Variants in CHFR observed in about 807,000 individuals in gnomAD.
The protein encoded by CHFR is checkpoint with forkhead and ring finger domains.
CHFR carries 57 observed loss-of-function variants against 87.6 expected under a neutral mutation model. The ratio of observed to expected loss-of-function variants is 0.65; its 90% CI spans 0.53 to 0.81. The LOEUF (loss-of-function observed/expected upper bound fraction) is 0.81. Among genes scored for constraint, CHFR ranks in the 30% least tolerant of loss-of-function variants. The pLI is 0.00. For synonymous variants in CHFR, 381 were observed against 359.2 expected (o/e 1.06, Z -0.69); for missense variants, 797 against 865.8 (o/e 0.92, Z 1.00).
chr12:132,866,864 C>G (rs1951357175), intron 6 of CHFR: 1 of 152,196 alleles, frequency 6.6e-6, no homozygotes, highest in East Asian at 1.9e-4. Context: ...AACAACGTCT[C>G]TACTAAAAAT....
intron 2 of CHFR, among the ~76,000 whole-genome samples, chr12:132,884,319 T>C (rs1314872200): frequency 6.7e-6 from 1 of 150,090 alleles, no homozygotes; most frequent in African/African-American, 2.5e-5. Flanking sequence ...CTCGGGAGGC[T>C]GAGGCAGGAG....
At chr12:132,874,550 A>G (rs1156534045) in intron 3 of CHFR, among the ~76,000 whole-genome samples, 1 of 146,848 alleles carries the variant, frequency 6.8e-6, no homozygotes, top group Non-Finnish European at 1.5e-5. Context: ...CAGGCCCCGG[A>G]ACAGGCGGGA....
intron 2 of CHFR, among the ~76,000 whole-genome samples, chr12:132,884,425 A>AT (rs1165033459): frequency 6.6e-6 from 1 of 150,908 alleles, no homozygotes. Flanking sequence ...CAAAAAAAAA[A>AT]ATACATATAT....
At position 132,857,499 on chromosome 12, in the gene CHFR, C is replaced by A. The variant is rs769371058; in HGVS notation, c.972G>T (p.Ser324=). 1 of 1,614,022 alleles carries A rather than the reference C, an allele frequency of 6.2e-7. No individual in the cohort carries two copies. The highest frequency in any genetic ancestry group is 8.5e-7 in the Non-Finnish European group (1 of 1,180,022). ...AACYSGWMER[S]SLCPTCRCPV... is the part of the protein sequence containing the mutation. ...GACAGCGGCAGGTAGGACACAGGGACGAGCGCTCCATCCAGCCCGAGTAGC... is the reference window on the plus strand; with the variant it reads ...GACAGCGGCAGGTAGGACACAGGGAAGAGCGCTCCATCCAGCCCGAGTAGC... The change falls in exon 9 of 18, where the codon TCG becomes TCT. Residue 324 remains serine (S), a synonymous_variant. Transcript: ENST00000450056.
rs1202757955 is a variant in CHFR at position 132,887,267 on chromosome 12, C to G, written c.62G>C (p.Arg21Pro). 2.0e-6 allele frequency: 3 copies of G among 1,499,406 alleles called. No homozygotes were observed. In the South Asian group the frequency reaches 3.7e-5, roughly 19 times the overall value. 92.9% of individuals were successfully genotyped at this position (1,499,406 alleles called of 1,614,324 possible). A position where few individuals can be genotyped will look rare whatever the true frequency, so the allele number is the denominator to read the frequency against. Residue 21 changes from arginine to proline, a missense_variant, in exon 2 of 18, where the codon CGT becomes CCT. Physicochemically the swap from Arg to Pro is moderately radical, Grantham distance 103. This residue lies in a region of CHFR where 597 missense variants were observed against 601.2 expected (regional missense o/e 0.99). Coordinates refer to ENST00000450056, the MANE Select transcript of CHFR (RefSeq NM_001161346.2). ...PPPQPWGRLL[R>P]LGAEEGEPHV... is the part of the protein sequence containing the mutation. Reference sequence around the variant, plus strand: ...CGGCTCGCCCTCCTCCGCGCCCAGACGCAGGAGCCGTCCCCAGGGCTGCGG... The same window carrying G: ...CGGCTCGCCCTCCTCCGCGCCCAGAGGCAGGAGCCGTCCCCAGGGCTGCGG...
chr12:132,878,734 G>C (rs1951691779), intron 2 of CHFR, among the ~76,000 whole-genome samples: 2 of 149,070 alleles, frequency 1.3e-5, no homozygotes, highest in African/African-American at 4.9e-5. Flanking sequence ...GCAGGAGAAT[G>C]GCGAGAACCC....
chr12:132,839,269 C>CT lies in CHFR; in HGVS notation c.*2284dup. 1 of 173,964 alleles carries CT rather than the reference C, an allele frequency of 5.7e-6. No individual in the cohort carries two copies. The highest frequency in any genetic ancestry group is 1.2e-5 in the Non-Finnish European group (1 of 80,816). The allele number at this position is 173,964 out of a possible 1,614,324, so 10.8% of individuals were successfully genotyped here. ...CTTCATTGGCGAATGCCAGCCTCCC[C>CT]TCTCAGCCTCGCACCTGCACAAACT... On this transcript the variant is annotated 3_prime_UTR_variant, in exon 18 of 18. Transcript: ENST00000450056.
At chr12:132,869,390 T>C (rs1194953963) in intron 6 of CHFR, among the ~76,000 whole-genome samples, 1 of 152,132 alleles carries the variant, frequency 6.6e-6, no homozygotes, top group Non-Finnish European at 1.5e-5. Context: ...ATGCGAATTA[T>C]AGTCTCAATG....
intron 3 of CHFR, among the ~76,000 whole-genome samples, chr12:132,877,337 TGA>T (rs1951652072): frequency 6.6e-6 from 1 of 152,118 alleles, no homozygotes. Flanking sequence ...GTATACTCCA[TGA>T]TGTTTGCAAG....
Position 132,859,207 on chromosome 12 carries a change from C to T in CHFR, c.772G>A (p.Gly258Arg), listed in dbSNP as rs115096950. ...MRGDGDLDLN[G>R]QLLVAQPRRN... ...CGCGGTTGTGCGACCAACAACTGCC[C>T]GTTCAGGTCAAGGTCCCCATCTACA... Residue 258 changes from glycine (G) to arginine (R), a missense_variant, in exon 8 of 18, where the codon GGG becomes AGG. Coordinates refer to ENST00000450056, the MANE Select transcript of CHFR (RefSeq NM_001161346.2). 2.2e-3 allele frequency: 3,597 copies of T among 1,613,394 alleles called. 59 individuals carry two copies. The East Asian group carries it at 0.039, about 18-fold the overall frequency.
Position 132,836,648 on chromosome 12 carries a change from T to C in CHFR, c.*4906A>G, listed in dbSNP as rs1371838616. On this transcript the variant is annotated 3_prime_UTR_variant, in exon 18 of 18. Coordinates refer to ENST00000450056, the MANE Select transcript of CHFR (RefSeq NM_001161346.2). ...CCTGAGTCCATTCCTTCCACAGACA[T>C]GCACGACCAAGTGTCTGCTCTGTGT... is the stretch of plus-strand genomic sequence containing the variant. 2.2e-6 allele frequency: 1 copy of C among 456,120 alleles called. No homozygotes were observed. Among genetic ancestry groups the C allele is most frequent in the Non-Finnish European group, 4.4e-6 (1 of 226,812 alleles). The allele number at this position is 456,120 out of a possible 1,614,324, so 28.3% of individuals were successfully genotyped here.
Position 132,869,602 on chromosome 12 carries a change from A to G in CHFR, c.583+17T>C. On this transcript the variant is annotated intron_variant, in intron 6 of 17. Transcript: ENST00000450056. ...ACCATGCAACCAGCACCAAGACCTC[A>G]TGAGATGTGACCTCACCACAACTGG... The G allele has an allele frequency of 1.3e-6, 2 of 1,550,448 alleles. No individual in the cohort carries two copies. Among genetic ancestry groups the G allele is most frequent in the South Asian group, 1.2e-5 (1 of 84,040 alleles).
chr12:132,871,409 G>T (rs879298271), intron 4 of CHFR, among the ~76,000 whole-genome samples: 1 of 151,798 alleles, frequency 6.6e-6, no homozygotes, highest in Non-Finnish European at 1.5e-5. Context: ...CTGAGATCAC[G>T]CCATTGCACT....
At chr12:132,856,254 G>A (rs1212562192) in intron 10 of CHFR, among the ~76,000 whole-genome samples, 2 of 152,154 alleles carry the variant, frequency 1.3e-5, no homozygotes, top group African/African-American at 4.8e-5. Context: ...TGGCTACCCC[G>A]CTAAGTGTTC....
chr12:132,850,646 C>T (rs1017177490), intron 12 of CHFR, among the ~76,000 whole-genome samples: 9 of 152,304 alleles, frequency 5.9e-5, no homozygotes, highest in Admixed American at 4.6e-4. Flanking sequence ...CAGACCCCAG[C>T]AGTAACCTGT....
At chr12:132,861,664 T>C in intron 6 of CHFR, 30 bp from the exon 7 acceptor site, 1 of 1,607,172 alleles carries the variant, frequency 6.2e-7, no homozygotes, top group Non-Finnish European at 8.5e-7. Context: ...AGATAGGTGC[T>C]GATCCATCCA....
chr12:132,857,130 AGGGACAGCCCTCACG>A (rs1951093828), intron 9 of CHFR, among the ~76,000 whole-genome samples: 4 of 62,772 alleles, frequency 6.4e-5, no homozygotes, highest in African/African-American at 6.7e-5. Context: ...GTGCTGGTGG[AGGGACAGCCCTCACG>A]TGCCCGGGTG....
intron 6 of CHFR, among the ~76,000 whole-genome samples, chr12:132,863,939 T>G (rs1356411136): frequency 6.6e-6 from 1 of 152,090 alleles, no homozygotes; most frequent in African/African-American, 2.4e-5. Context: ...GTTTTTTGTA[T>G]TTTTGGTAGA....
intron 15 of CHFR, among the ~76,000 whole-genome samples, chr12:132,845,081 T>C (rs1950789081): frequency 1.0e-4 from 1 of 9,792 alleles, no homozygotes; most frequent in Admixed American, 1.5e-3. Context: ...ACATCAAAAT[T>C]AAAATAAATA....
Sources: allele counts gnomAD v4.1 joint callset (sites outside exome capture counted in the v4.1 genomes callset), GRCh38; gene constraint gnomAD v4.1.1; regional missense constraint gnomAD v4.1.1; transcripts MANE v1.5; gene names NCBI Gene and HGNC (gene_info 2026-07-23, HGNC 2026-07-21).